Variants in DGKZ observed in about 807,000 individuals in gnomAD.
DGKZ encodes the protein diacylglycerol kinase zeta.
DGKZ carries 45 observed loss-of-function variants against 142.5 expected under a neutral mutation model. That is an observed-to-expected ratio of 0.32 (90% CI 0.25 to 0.40). The LOEUF (loss-of-function observed/expected upper bound fraction) is 0.40, where lower values mean the gene tolerates loss of function less well. Among genes scored for constraint, DGKZ ranks in the 10% least tolerant of loss-of-function variants. The pLI, the probability that DGKZ is intolerant of heterozygous loss-of-function variation, is 1.00. For synonymous variants in DGKZ, 442 were observed against 527.0 expected (o/e 0.84, Z 2.21); for missense variants, 755 against 1,306.5 (o/e 0.58, Z 6.51).
At chr11:46,345,945 G>C (rs979379072), upstream of DGKZ, among the ~76,000 whole-genome samples, 7 of 152,180 alleles carry the variant, frequency 4.6e-5, no homozygotes, top group African/African-American at 1.7e-4. The surrounding 1 kb of genome is among the most constrained non-coding windows in gnomAD (Gnocchi z 4.1). Flanking sequence ...TCAGAGCTTG[G>C]AGTAAGAGCC....
At chr11:46,347,276 C>G (rs555029205), upstream of DGKZ, 1 of 979,782 alleles carries the variant, frequency 1.0e-6, no homozygotes, top group Non-Finnish European at 1.2e-6. The surrounding 1 kb of genome is among the most constrained non-coding windows in gnomAD (Gnocchi z 6.4). Context: ...GGGCTGGGGG[C>G]AGGGCTTTCT....
chr11:46,365,048 G>A (rs894028963), intron 1 of DGKZ: 2 of 985,334 alleles, frequency 2.0e-6, no homozygotes, highest in African/African-American at 3.5e-5. Flanking sequence ...TGTTAGGAGA[G>A]GTAGGGCACA....
chr11:46,371,271 T>A (rs767476363), intron 6 of DGKZ, 42 bp from the exon 7 acceptor site: 2 of 1,594,364 alleles, frequency 1.3e-6, no homozygotes, highest in Admixed American at 1.7e-5. Flanking sequence ...GGTCTGCTGC[T>A]CCACGCCTGC....
At chr11:46,379,844 G>A (rs768981037) in exon 31 of DGKZ, 2 of 1,610,346 alleles carry the variant, frequency 1.2e-6, no homozygotes, top group Non-Finnish European at 8.5e-7. Flanking sequence ...GACACTCCCC[G>A]GCAGCGGGCT....
At chr11:46,371,683 A>G (rs1231965265) in intron 8 of DGKZ, 21 bp from the exon 9 acceptor site, 7 of 1,613,886 alleles carry the variant, frequency 4.3e-6, no homozygotes, top group Non-Finnish European at 5.1e-6. Flanking sequence ...CTCGTCACCA[A>G]CACCCCTGCT....
intron 1 of DGKZ, among the ~76,000 whole-genome samples, chr11:46,354,435 A>T (rs1941767458): frequency 6.6e-6 from 1 of 152,026 alleles, no homozygotes; most frequent in Admixed American, 6.5e-5. Flanking sequence ...GCCTTAAGTG[A>T]TCCTCCCACC....
At chr11:46,358,188 G>GAA (rs1470378982) in intron 1 of DGKZ, among the ~76,000 whole-genome samples, 1 of 152,116 alleles carries the variant, frequency 6.6e-6, no homozygotes, top group Non-Finnish European at 1.5e-5. Flanking sequence ...CCCTCAACGC[G>GAA]AATCTAGGCA....
upstream of DGKZ, among the ~76,000 whole-genome samples, chr11:46,344,451 A>ATTT (rs552917575): frequency 3.9e-3 from 527 of 133,916 alleles, 7 homozygotes; most frequent in African/African-American, 0.012. Flanking sequence ...CATGAGCTCA[A>ATTT]TTTTTTTTTT....
At chr11:46,370,566 A>G (rs1444607167) in intron 6 of DGKZ, among the ~76,000 whole-genome samples, 1 of 152,194 alleles carries the variant, frequency 6.6e-6, no homozygotes, top group Admixed American at 6.5e-5. Flanking sequence ...TGAATGTGAT[A>G]GGTACTCGGA....
intron 1 of DGKZ, among the ~76,000 whole-genome samples, chr11:46,352,356 C>T (rs571252286): frequency 2.7e-4 from 41 of 152,286 alleles, no homozygotes; most frequent in Non-Finnish European, 5.1e-4. Flanking sequence ...CTTCTCCTTC[C>T]GCCAGTCCAC....
At chr11:46,343,034 G>T (rs1406093372), upstream of DGKZ, among the ~76,000 whole-genome samples, 2 of 151,976 alleles carry the variant, frequency 1.3e-5, no homozygotes, top group Non-Finnish European at 2.9e-5. Flanking sequence ...TGAGGCACAA[G>T]AATCGCTTGA....
downstream of DGKZ, chr11:46,380,336 C>G (rs1844542688): frequency 6.1e-6 from 1 of 164,800 alleles, no homozygotes; most frequent in Non-Finnish European, 1.3e-5. Flanking sequence ...GTCCCCAGCC[C>G]CCGCTCCTGC....
At chr11:46,336,906 A>C (rs887644634) in intron 1 of DGKZ, among the ~76,000 whole-genome samples, 8 of 152,252 alleles carry the variant, frequency 5.3e-5, no homozygotes, top group Admixed American at 1.3e-4. Flanking sequence ...CTGTAGTCCC[A>C]GCTACTCAGA....
chr11:46,344,913 G>A (rs920264537), upstream of DGKZ, among the ~76,000 whole-genome samples: 3 of 152,106 alleles, frequency 2.0e-5, no homozygotes, highest in Non-Finnish European at 4.4e-5. Context: ...GCTGGTAAGA[G>A]GCAGAACAGG....
chr11:46,367,332 C>G lies in DGKZ; in HGVS notation c.203C>G (p.Pro68Arg), dbSNP rs3740978. ...TCGGGCCTCCAGCACCTGGCCCCCC[C>G]TCCGCCCACCCCTGGGGCCCCGTGC... Residue 68 changes from proline to arginine, a missense_variant, in exon 2 of 31, where the codon CCT (proline) becomes CGT (arginine). Transcript: ENST00000527911. This position sits in a 1 kb window ranked among gnomAD's most constrained non-coding sequence, Gnocchi z 4.1. 1 of 1,612,966 alleles carries G rather than the reference C, an allele frequency of 6.2e-7. No individual in the cohort carries two copies. Among genetic ancestry groups the G allele is most frequent in the Non-Finnish European group, 8.5e-7 (1 of 1,180,000 alleles).
upstream of DGKZ, among the ~76,000 whole-genome samples, chr11:46,343,646 A>G (rs565898876): frequency 6.6e-6 from 1 of 152,368 alleles, no homozygotes; most frequent in Admixed American, 6.5e-5. Flanking sequence ...ACTCCAGCAC[A>G]GTTTGGCCTC....
chr11:46,363,600 G>C (rs1279075873), intron 1 of DGKZ, among the ~76,000 whole-genome samples: 1 of 152,242 alleles, frequency 6.6e-6, no homozygotes, highest in Non-Finnish European at 1.5e-5. Flanking sequence ...CCTGTTGTCA[G>C]TGCAGGTCTG....
At position 46,372,470 on chromosome 11, in the gene DGKZ, C is replaced by T; in HGVS notation, c.970C>T (p.Arg324Ter). 1.9e-6 allele frequency: 3 copies of T among 1,614,026 alleles called. No homozygotes were observed. The highest frequency in any genetic ancestry group is 1.1e-5 in the South Asian group (1 of 91,080). Residue 324 changes from arginine to a stop codon, truncating the protein, a stop_gained, in exon 11 of 31, where the codon CGA becomes TGA. Transcript: ENST00000527911. LOFTEE classifies it high-confidence loss of function. This position sits in a 1 kb window ranked among gnomAD's most constrained non-coding sequence, Gnocchi z 5.9. ...GTCTTTCCTCTGGTATCTCAATCCC[C>T]GACAAGTCTTCGACCTGAGCCAGGG...
At chr11:46,343,621 T>C (rs955635374), upstream of DGKZ, among the ~76,000 whole-genome samples, 1 of 152,234 alleles carries the variant, frequency 6.6e-6, no homozygotes, top group African/African-American at 2.4e-5. Context: ...TACCAAATCC[T>C]CACAATGGCC....
Sources: allele counts gnomAD v4.1 joint callset (sites outside exome capture counted in the v4.1 genomes callset), GRCh38; gene constraint gnomAD v4.1.1; non-coding constraint Gnocchi (gnomAD v3.1); transcripts MANE v1.5; gene names NCBI Gene and HGNC (gene_info 2026-07-23, HGNC 2026-07-21).